Variants in PPP2R2B observed in about 807,000 individuals in gnomAD.
PPP2R2B encodes serine/threonine-protein phosphatase 2A 55 kDa regulatory subunit B beta isoform.
In PPP2R2B, 5 loss-of-function variants were observed where a neutral mutation model predicts 46.0. That is an observed-to-expected ratio of 0.11 (90% CI 0.06 to 0.23). PPP2R2B has a LOEUF of 0.23. Ranked by LOEUF, PPP2R2B falls within the 10% of genes least tolerant of loss-of-function variation. The pLI is 1.00. For synonymous variants in PPP2R2B, 215 were observed against 206.7 expected (o/e 1.04, Z -0.34); for missense variants, 367 against 575.0 (o/e 0.64, Z 3.70).
chr5:146,899,313 T>C (rs1360331251), intron 1 of PPP2R2B, among the ~76,000 whole-genome samples: 2 of 148,770 alleles, frequency 1.3e-5, no homozygotes, highest in Non-Finnish European at 3.0e-5. Context: ...GATGAGTTCA[T>C]GTCCTTTGTA....
chr5:146,706,385 A>T, intron 2 of PPP2R2B: 2 of 712,478 alleles, frequency 2.8e-6, no homozygotes, highest in Non-Finnish European at 4.8e-6. Context: ...GGCCAAGCTC[A>T]CACCACCTGC....
chr5:146,749,878 G>A lies in PPP2R2B; in HGVS notation c.71-48736C>T, dbSNP rs529269395. On this transcript the variant is annotated intron_variant, in intron 2 of 9. Transcript: ENST00000394411. ...CTCCCAAAGTGTTGGGATTACAGGC[G>A]TGAGCCACTGCGCCTGGCCAATTTC... Among the ~76,000 whole-genome samples the A allele has an allele frequency of 1.1e-4, 17 of 152,156 alleles. No individual in the cohort carries two copies. The East Asian group carries it at 1.7e-3, about 16-fold the overall frequency.
intron 1 of PPP2R2B, among the ~76,000 whole-genome samples, chr5:146,942,137 C>T (rs1485862829): frequency 1.3e-5 from 2 of 152,084 alleles, no homozygotes; most frequent in Non-Finnish European, 2.9e-5. Context: ...AGATTACATG[C>T]GCAAAGACTC....
chr5:146,949,587 C>T (rs995129118), intron 1 of PPP2R2B, among the ~76,000 whole-genome samples: 3 of 151,982 alleles, frequency 2.0e-5, no homozygotes, highest in African/African-American at 7.2e-5. Flanking sequence ...TTAGTACAAC[C>T]ACTAGGTAGA....
chr5:146,737,665 T>C (rs1752620119), intron 2 of PPP2R2B, among the ~76,000 whole-genome samples: 1 of 152,206 alleles, frequency 6.6e-6, no homozygotes, highest in Non-Finnish European at 1.5e-5. Flanking sequence ...TAAACAATGC[T>C]TATTTAGTAT....
At chr5:146,952,793 C>T (rs574692831) in intron 1 of PPP2R2B, among the ~76,000 whole-genome samples, 9 of 152,100 alleles carry the variant, frequency 5.9e-5, no homozygotes, top group South Asian at 2.1e-4. Context: ...AAAGTGTGAG[C>T]GAGTGAGATT....
At chr5:146,940,016 T>G (rs148490493) in intron 1 of PPP2R2B, among the ~76,000 whole-genome samples, 84 of 152,328 alleles carry the variant, frequency 5.5e-4, no homozygotes, top group African/African-American at 1.9e-3. Context: ...CTACACCTAT[T>G]TTTTATATAA....
At chr5:146,782,671 A>AT (rs367928507) in intron 2 of PPP2R2B, among the ~76,000 whole-genome samples, 428 of 150,628 alleles carry the variant, frequency 2.8e-3, no homozygotes, top group Non-Finnish European at 4.6e-3. Context: ...TTCCTTGCCC[A>AT]TTTTTTTTTA....
At chr5:146,982,040 C>T (rs1301880949) in intron 1 of PPP2R2B, among the ~76,000 whole-genome samples, 1 of 152,160 alleles carries the variant, frequency 6.6e-6, no homozygotes. Context: ...TAAATTCTCC[C>T]CAAAGTAACC....
chr5:146,894,530 C>T (rs922776965), intron 1 of PPP2R2B, among the ~76,000 whole-genome samples: 9 of 152,182 alleles, frequency 5.9e-5, no homozygotes, highest in Non-Finnish European at 1.0e-4. Flanking sequence ...GCCTTGACCT[C>T]ATAGGTTCAA....
intron 1 of PPP2R2B, among the ~76,000 whole-genome samples, chr5:146,967,521 G>A (rs1234916763): frequency 1.3e-5 from 2 of 152,168 alleles, no homozygotes; most frequent in Non-Finnish European, 2.9e-5. Context: ...CTAAACCAGA[G>A]CGCTGGTTTG....
At chr5:146,681,006 C>T (rs1242944069) in intron 5 of PPP2R2B, among the ~76,000 whole-genome samples, 1 of 152,136 alleles carries the variant, frequency 6.6e-6, no homozygotes, top group African/African-American at 2.4e-5. Flanking sequence ...CACACTACCC[C>T]TAGGGAAATA....
chr5:147,071,979 T>G (rs1757613924), intron 2 of PPP2R2B, among the ~76,000 whole-genome samples: 3 of 152,212 alleles, frequency 2.0e-5, no homozygotes. Flanking sequence ...GTTGCCTTGG[T>G]GTCCTATGCC....
At chr5:146,617,666 TGGGG>T (rs1204887014) in intron 7 of PPP2R2B, among the ~76,000 whole-genome samples, 1 of 150,528 alleles carries the variant, frequency 6.6e-6, no homozygotes, top group African/African-American at 2.4e-5. Context: ...CTACCATGGC[TGGGG>T]CTTCCTCTCA....
intron 1 of PPP2R2B, among the ~76,000 whole-genome samples, chr5:146,988,914 G>T (rs1268937960): frequency 6.6e-6 from 1 of 151,830 alleles, no homozygotes; most frequent in Non-Finnish European, 1.5e-5. Context: ...AAATGAAAAA[G>T]ATGACATTAT....
At chr5:146,696,603 AATTGAAAC>A (rs1316146376) in intron 4 of PPP2R2B, among the ~76,000 whole-genome samples, 1 of 152,250 alleles carries the variant, frequency 6.6e-6, no homozygotes, top group East Asian at 1.9e-4. Flanking sequence ...AAAGGAAAGA[AATTGAAAC>A]AAATTTATGT....
intron 7 of PPP2R2B, among the ~76,000 whole-genome samples, chr5:146,635,637 C>T (rs997990803): frequency 6.6e-6 from 1 of 152,240 alleles, no homozygotes; most frequent in African/African-American, 2.4e-5. Context: ...TCTGCCTTCA[C>T]TCACTAGAGA....
At chr5:147,064,440 C>T (rs977567557) in intron 2 of PPP2R2B, among the ~76,000 whole-genome samples, 1 of 152,168 alleles carries the variant, frequency 6.6e-6, no homozygotes, top group Non-Finnish European at 1.5e-5. Flanking sequence ...CAGTGAATAT[C>T]CCCGGGGGTG....
intron 1 of PPP2R2B, among the ~76,000 whole-genome samples, chr5:146,959,451 G>A (rs1752071393): frequency 6.6e-6 from 1 of 152,150 alleles, no homozygotes; most frequent in Non-Finnish European, 1.5e-5. Context: ...CATGAAGACA[G>A]AGTCTCTGCC....
Sources: gnomAD v4.1 joint callset for allele counts (sites outside exome capture counted in the v4.1 genomes callset) on GRCh38, gnomAD v4.1.1 for gene constraint, MANE v1.5 for transcripts, NCBI Gene and HGNC (gene_info 2026-07-23, HGNC 2026-07-21) for gene names.